The following LAMA2 variants were observed in gnomAD, a reference collection of about 807,000 sequenced individuals.
The protein encoded by LAMA2 is laminin subunit alpha-2.
In LAMA2, 269 loss-of-function variants were observed where a neutral mutation model predicts 364.8. The observed-to-expected ratio is 0.74, with a 90% confidence interval of 0.67 to 0.82. The LOEUF (loss-of-function observed/expected upper bound fraction) is 0.82, where lower values mean the gene tolerates loss of function less well. LAMA2 is among the 40% of genes least tolerant of loss of function. The probability of loss-of-function intolerance (pLI) is 0.00; values close to 1 mark genes in which losing one functional copy is unlikely to be tolerated. For synonymous variants in LAMA2, 1,379 were observed against 1,370.6 expected (o/e 1.01, Z -0.14); for missense variants, 3,807 against 3,873.2 (o/e 0.98, Z 0.45).
intron 12 of LAMA2, among the ~76,000 whole-genome samples, chr6:129,210,003 CAAAAAAAAAAAAA>C (rs374127279): frequency 3.0e-5 from 2 of 67,646 alleles, no homozygotes; most frequent in African/African-American, 4.8e-5. Context: ...GACTCCATCT[CAAAAAAAAAAAAA>C]AAAAAAAAAT....
chr6:129,351,352 G>T (rs529273388), intron 31 of LAMA2, among the ~76,000 whole-genome samples: 6 of 152,100 alleles, frequency 3.9e-5, no homozygotes, highest in Non-Finnish European at 7.4e-5. Context: ...GTATTTAATC[G>T]ATAAAAGCTG....
intron 32 of LAMA2, among the ~76,000 whole-genome samples, chr6:129,362,533 G>A (rs961481555): frequency 1.6e-4 from 25 of 152,102 alleles, no homozygotes; most frequent in African/African-American, 5.8e-4. Context: ...TTTGTCCAAA[G>A]TGTTTTGATA....
chr6:129,205,225 T>TG (rs1554243877), intron 12 of LAMA2, among the ~76,000 whole-genome samples: 1 of 149,968 alleles, frequency 6.7e-6, no homozygotes, highest in Non-Finnish European at 1.5e-5. Context: ...CCGTCTCTAC[T>TG]AAAAAAAATA....
Position 129,401,242 on chromosome 6 carries a change from GA to G in LAMA2, c.5467del (p.Ser1823AlafsTer10). 2 of 1,604,738 alleles carry G rather than the reference GA, an allele frequency of 1.2e-6. No individual in the cohort carries two copies. Among genetic ancestry groups the G allele is most frequent in the Non-Finnish European group, 1.7e-6 (2 of 1,171,758 alleles). ...TALEKKKEAV[E>X]SGKRQIENTL... ...TCTACAGAAAAAGAAGGAGGCTGTT[GA>G]AAGCGGCAAACGACAAATTGAGAAC... On this transcript the variant is annotated frameshift_variant, in exon 38 of 65. Transcript: ENST00000421865. LOFTEE classifies it high-confidence loss of function.
intron 31 of LAMA2, among the ~76,000 whole-genome samples, chr6:129,350,065 C>T (rs1196816970): frequency 6.6e-6 from 1 of 152,082 alleles, no homozygotes; most frequent in African/African-American, 2.4e-5. Flanking sequence ...AGAAAAGTTG[C>T]AATTAATATC....
intron 33 of LAMA2, among the ~76,000 whole-genome samples, chr6:129,367,441 A>G (rs1777837735): frequency 6.6e-6 from 1 of 152,232 alleles, no homozygotes; most frequent in South Asian, 2.1e-4. Flanking sequence ...TGTGTTTTAC[A>G]AACATTCAAA....
chr6:129,241,515 G>C (rs1358045142), intron 12 of LAMA2, among the ~76,000 whole-genome samples: 3 of 152,160 alleles, frequency 2.0e-5, no homozygotes, highest in African/African-American at 7.2e-5. Flanking sequence ...TTCATCCTAA[G>C]AGCAAACTTC....
In LAMA2 at chr6:129,036,901, A is replaced by C. The variant is rs555063886; in HGVS notation, c.113-13017A>C. 2.6e-5 allele frequency among the ~76,000 whole-genome samples: 4 copies of C among 152,312 alleles called. No homozygotes were observed. In the South Asian group the frequency reaches 6.2e-4, roughly 24 times the overall value. ...ATTGGGCTGATTTTCCAGTTCTATT[A>C]AACCCTTCATCTGCATCGTGGATCA... On this transcript the variant is annotated intron_variant, in intron 1 of 64. Coordinates refer to ENST00000421865, the MANE Select transcript of LAMA2 (RefSeq NM_000426.4).
chr6:129,293,936 C>T (rs1365274154), intron 20 of LAMA2, among the ~76,000 whole-genome samples: 1 of 152,152 alleles, frequency 6.6e-6, no homozygotes, highest in Non-Finnish European at 1.5e-5. Context: ...CTATAAATTC[C>T]TTGAATCTTT....
In LAMA2 at chr6:129,477,031, G is replaced by A. The variant is rs369677897; in HGVS notation, c.7451+1630G>A. On this transcript the variant is annotated intron_variant, in intron 53 of 64. Coordinates refer to ENST00000421865, the MANE Select transcript of LAMA2 (RefSeq NM_000426.4). ...AAGGAACTTGGCATCATGGGACAAT[G>A]AGGAGAGAATTAATCATCACCCTAT... Among the ~76,000 whole-genome samples the A allele has an allele frequency of 1.5e-4, 23 of 152,278 alleles. 2 individuals carry two copies. In the East Asian group the frequency reaches 3.1e-3, roughly 20 times the overall value.
At chr6:129,219,336 G>A (rs1783636315) in intron 12 of LAMA2, among the ~76,000 whole-genome samples, 1 of 152,038 alleles carries the variant, frequency 6.6e-6, no homozygotes, top group Non-Finnish European at 1.5e-5. Context: ...AACAGATGCT[G>A]GAGAGGATGT....
intron 1 of LAMA2, among the ~76,000 whole-genome samples, chr6:128,902,077 G>C (rs1054122630): frequency 6.6e-6 from 1 of 152,118 alleles, no homozygotes; most frequent in Admixed American, 6.6e-5. Context: ...AGAGCGAAGT[G>C]GGGGAAAAGC....
At chr6:129,093,735 G>C (rs1475526321) in intron 3 of LAMA2, among the ~76,000 whole-genome samples, 1 of 152,144 alleles carries the variant, frequency 6.6e-6, no homozygotes, top group Non-Finnish European at 1.5e-5. Context: ...GTAACAAATG[G>C]AATATGAAAT....
In LAMA2 at chr6:129,487,549, C is replaced by T. The variant is rs139639966; in HGVS notation, c.7898+927C>T. Among the ~76,000 whole-genome samples, 113 of 152,226 alleles carry T rather than the reference C, an allele frequency of 7.4e-4. 3 individuals are homozygous for T. Among genetic ancestry groups the T allele is most frequent in the African/African-American group, 2.6e-3 (107 of 41,526 alleles). ...ACACAGAGGATACTTTTAAATGCAA[C>T]GAGTATGAATATGTAGCAGTAGTTC... On this transcript the variant is annotated intron_variant, in intron 56 of 64. Transcript: ENST00000421865.
intron 1 of LAMA2, among the ~76,000 whole-genome samples, chr6:128,981,335 A>G (rs1182803886): frequency 6.6e-6 from 1 of 152,050 alleles, no homozygotes; most frequent in Admixed American, 6.6e-5. Context: ...CCCAGGATAA[A>G]CGTGAAACTC....
In LAMA2 at chr6:129,460,434, G is replaced by C. The variant is rs939733645; in HGVS notation, c.6992+110G>C. 3 of 1,130,350 alleles carry C rather than the reference G, an allele frequency of 2.7e-6. No homozygotes were observed. In the African/African-American group the frequency reaches 4.6e-5, roughly 17 times the overall value. 70.0% of individuals were successfully genotyped at this position (1,130,350 alleles called of 1,614,324 possible). A position where few individuals can be genotyped will look rare whatever the true frequency, so the allele number is the denominator to read the frequency against. ...TGGATGATGTGGAGCAGGTTTGAAA[G>C]GATTATACTCAGAGGTGGAATTACC... On this transcript the variant is annotated intron_variant, in intron 49 of 64. Transcript: ENST00000421865.
At chr6:129,262,938 G>T (rs1787234410) in intron 15 of LAMA2, among the ~76,000 whole-genome samples, 1 of 152,084 alleles carries the variant, frequency 6.6e-6, no homozygotes, top group Non-Finnish European at 1.5e-5. Flanking sequence ...GTTGATTCAG[G>T]ATCTTTTTTC....
rs566262922 is a variant in LAMA2 at position 129,226,178 on chromosome 6, A to G, written c.1783-23934A>G. 1.9e-3 allele frequency among the ~76,000 whole-genome samples: 287 copies of G among 151,524 alleles called. 1 individual carries two copies. Among genetic ancestry groups the G allele is most frequent in the African/African-American group, 6.6e-3 (274 of 41,268 alleles). On this transcript the variant is annotated intron_variant, in intron 12 of 64. Transcript: ENST00000421865. The stretch of plus-strand genomic sequence containing the variant: ...CAACCCCTGCCTTTTTTTGTTTTCT[A>G]TTTCCTTGGTAGATCTTCCTCCATC...
chr6:129,071,882 C>A (rs1773338422), intron 3 of LAMA2, among the ~76,000 whole-genome samples: 1 of 152,160 alleles, frequency 6.6e-6, no homozygotes, highest in East Asian at 1.9e-4. Flanking sequence ...AATCCCAGCA[C>A]TTTGGGAGGC....
Sources: allele counts gnomAD v4.1 joint callset (sites outside exome capture counted in the v4.1 genomes callset), GRCh38; gene constraint gnomAD v4.1.1; transcripts MANE v1.5; gene names NCBI Gene and HGNC (gene_info 2026-07-23, HGNC 2026-07-21).